Variants in RC3H1 observed in about 807,000 individuals in gnomAD.
RC3H1 encodes the protein roquin-1.
In RC3H1, 50 loss-of-function variants were observed where a neutral mutation model predicts 138.2. That is an observed-to-expected ratio of 0.36 (90% CI 0.29 to 0.46). The LOEUF (loss-of-function observed/expected upper bound fraction) is 0.46. Among genes scored for constraint, RC3H1 ranks in the 20% least tolerant of loss-of-function variants. The probability of loss-of-function intolerance (pLI) is 1.00; values close to 1 mark genes in which losing one functional copy is unlikely to be tolerated. For missense variants in RC3H1, 1,031 were observed against 1,388.1 expected (o/e 0.74, Z 4.09); for synonymous variants, 462 against 489.1 (o/e 0.94, Z 0.73).
chr1:173,997,800 C>G (rs973750138), intron 1 of RC3H1, among the ~76,000 whole-genome samples: 2 of 152,122 alleles, frequency 1.3e-5, no homozygotes, highest in Non-Finnish European at 2.9e-5. Flanking sequence ...GAAAGTCACT[C>G]TTAGATGACC....
chr1:173,942,778 C>A (rs929562862), intron 18 of RC3H1, among the ~76,000 whole-genome samples: 7 of 151,112 alleles, frequency 4.6e-5, no homozygotes, highest in African/African-American at 1.7e-4. Flanking sequence ...TGCAATGAGC[C>A]GAGATCGCAC....
intron 2 of RC3H1, among the ~76,000 whole-genome samples, chr1:173,987,246 A>G (rs892277140): frequency 6.6e-6 from 1 of 152,316 alleles, no homozygotes; most frequent in Non-Finnish European, 1.5e-5. Context: ...CATCCTTGAG[A>G]GCAGAATATC....
rs923396548 is a variant in RC3H1 at position 173,933,498 on chromosome 1, A to C, written c.*5223T>G. ...TGGAAAGATCTTTAGTGAACACAGA[A>C]ATAAAATCTTAAAAATTCAAATCTT... On this transcript the variant is annotated 3_prime_UTR_variant, in exon 20 of 20. Transcript: ENST00000367696. The C allele has an allele frequency of 3.9e-5, 6 of 152,172 alleles. No individual in the cohort carries two copies. The highest frequency in any genetic ancestry group is 8.8e-5 in the Non-Finnish European group (6 of 67,990). The allele number at this position is 152,172 out of a possible 1,614,324, so 9.4% of individuals were successfully genotyped here.
At chr1:173,940,806 C>T (rs1313386222) in intron 19 of RC3H1, among the ~76,000 whole-genome samples, 1 of 150,830 alleles carries the variant, frequency 6.6e-6, no homozygotes, top group Non-Finnish European at 1.5e-5. Context: ...TTTTGTAACT[C>T]CAGATTTATG....
intron 1 of RC3H1, among the ~76,000 whole-genome samples, chr1:174,008,222 A>AGC (rs1661686940): frequency 6.6e-6 from 1 of 152,212 alleles, no homozygotes; most frequent in Non-Finnish European, 1.5e-5. Flanking sequence ...TAGTATATTT[A>AGC]ATAATAGCAA....
At chr1:174,006,799 GATTTT>G (rs1482927162) in intron 1 of RC3H1, among the ~76,000 whole-genome samples, 1 of 152,066 alleles carries the variant, frequency 6.6e-6, no homozygotes, top group Non-Finnish European at 1.5e-5. Context: ...CTGTCTTGAA[GATTTT>G]ATTAAAATAT....
intron 1 of RC3H1, among the ~76,000 whole-genome samples, chr1:174,002,989 C>A (rs1202964835): frequency 6.6e-6 from 1 of 152,184 alleles, no homozygotes. Flanking sequence ...AGTGCCAGGG[C>A]CATATAACCA....
intron 13 of RC3H1, among the ~76,000 whole-genome samples, chr1:173,954,246 T>TA (rs1407672517): frequency 6.6e-6 from 1 of 152,018 alleles, no homozygotes; most frequent in Non-Finnish European, 1.5e-5. Context: ...TATTCAGACA[T>TA]AAAAAAATAA....
chr1:173,962,298 C>G (rs929141701), intron 11 of RC3H1, among the ~76,000 whole-genome samples: 30 of 151,910 alleles, frequency 2.0e-4, no homozygotes, highest in African/African-American at 6.8e-4. Context: ...AAAAAACTAC[C>G]CTACTTATAA....
Position 173,964,044 on chromosome 1 carries a change from T to G in RC3H1, c.1760A>C (p.Gln587Pro). ...ATCCTGATAATAAACATCCGTCTGTTGTGCTGGATATAACTGAGAACCTCG... is the reference window on the plus strand; with the variant it reads ...ATCCTGATAATAAACATCCGTCTGTGGTGCTGGATATAACTGAGAACCTCG... ...VPRGSQLYPA[Q>P]QTDVYYQDPR... Residue 587 changes from glutamine to proline, a missense_variant, in exon 11 of 20, where the codon CAA becomes CCA. By Grantham distance (76) the Gln-to-Pro change is moderately conservative. Coordinates refer to ENST00000367696, the MANE Select transcript of RC3H1 (RefSeq NM_172071.4). 1.9e-6 allele frequency: 3 copies of G among 1,614,158 alleles called. No individual in the cohort carries two copies. The South Asian group carries it at 3.3e-5, about 18-fold the overall frequency.
At chr1:173,942,428 C>CAAAAAAAAAAAAAAAAAAAAA (rs60694243) in intron 18 of RC3H1, among the ~76,000 whole-genome samples, 10 of 38,078 alleles carry the variant, frequency 2.6e-4, no homozygotes, top group African/African-American at 1.4e-3. Flanking sequence ...GACTCAGTCT[C>CAAAAAAAAAAAAAAAAAAAAA]AAAAAAAAAA....
In RC3H1 at chr1:173,955,878, C is replaced by T. The variant is rs138482849; in HGVS notation, c.2371-3740G>A. Among the ~76,000 whole-genome samples, 263 of 152,082 alleles carry T rather than the reference C, an allele frequency of 1.7e-3. 1 individual carries two copies. The highest frequency in any genetic ancestry group is 5.9e-3 in the African/African-American group (243 of 41,502). On this transcript the variant is annotated intron_variant, in intron 13 of 19. Transcript: ENST00000367696. ...AGGCGCAGTGGCTCATGCCTATAAT[C>T]GCAACACTTTGGGAGGCCGAGGTGG...
intron 19 of RC3H1, among the ~76,000 whole-genome samples, chr1:173,939,812 G>A (rs1426074331): frequency 1.3e-5 from 2 of 151,948 alleles, no homozygotes; most frequent in South Asian, 2.1e-4. Flanking sequence ...TCCAGCCTGG[G>A]TGACGGAGTG....
At chr1:173,951,950 A>T in intron 14 of RC3H1, 36 bp downstream of exon 14, 1 of 1,561,834 alleles carries the variant, frequency 6.4e-7, no homozygotes, top group East Asian at 2.3e-5. Flanking sequence ...GGTTTATCTT[A>T]ATTTGTATTA....
At chr1:173,953,041 A>G (rs1455204859) in intron 13 of RC3H1, among the ~76,000 whole-genome samples, 1 of 152,160 alleles carries the variant, frequency 6.6e-6, no homozygotes, top group Non-Finnish European at 1.5e-5. Flanking sequence ...CTCCCGCTAT[A>G]CTAAAAACAT....
At chr1:174,000,340 T>C (rs761204637) in intron 1 of RC3H1, among the ~76,000 whole-genome samples, 6 of 152,198 alleles carry the variant, frequency 3.9e-5, no homozygotes, top group Non-Finnish European at 8.8e-5. Context: ...TTATTATAGG[T>C]TCATTTTATA....
intron 11 of RC3H1, among the ~76,000 whole-genome samples, chr1:173,962,658 T>C (rs1020499683): frequency 2.0e-5 from 3 of 152,336 alleles, no homozygotes; most frequent in East Asian, 1.9e-4. Context: ...TGCTTCTTCA[T>C]TGTAACAAGT....
At chr1:173,998,088 C>T (rs1385321908) in intron 1 of RC3H1, among the ~76,000 whole-genome samples, 2 of 152,050 alleles carry the variant, frequency 1.3e-5, no homozygotes, top group Admixed American at 6.5e-5. Flanking sequence ...TATTAATATA[C>T]CAACATCCAG....
At chr1:174,013,425 A>G (rs527540660) in intron 1 of RC3H1, among the ~76,000 whole-genome samples, 105 of 151,762 alleles carry the variant, frequency 6.9e-4, no homozygotes, top group South Asian at 1.9e-3. Flanking sequence ...TATCCATACA[A>G]TGGAATATTA....
Sources: gnomAD v4.1 joint callset for allele counts (sites outside exome capture counted in the v4.1 genomes callset) on GRCh38, gnomAD v4.1.1 for gene constraint, MANE v1.5 for transcripts, NCBI Gene and HGNC (gene_info 2026-07-23, HGNC 2026-07-21) for gene names.